Variants in MTHFS observed in about 807,000 individuals in gnomAD.
MTHFS encodes the protein 5-formyltetrahydrofolate cyclo-ligase.
Under a neutral mutation model 12.7 loss-of-function variants are expected in MTHFS, and 7 were observed. The observed-to-expected ratio is 0.55, with a 90% CI of 0.31 to 1.03. The LOEUF (loss-of-function observed/expected upper bound fraction) is 1.03. MTHFS is among the 50% of genes least tolerant of loss of function. The probability of loss-of-function intolerance (pLI) is 0.05; values close to 1 mark genes in which losing one functional copy is unlikely to be tolerated. For missense variants in MTHFS, 252 were observed against 258.1 expected, an observed-to-expected ratio of 0.98 and a Z score of 0.16; for synonymous variants, 100 against 97.1, an observed-to-expected ratio of 1.03 and a Z score of -0.18.
At chr15:79,875,617 A>C (rs570268233) in intron 2 of MTHFS, among the ~76,000 whole-genome samples, 1 of 152,262 alleles carries the variant, frequency 6.6e-6, no homozygotes, top group Admixed American at 6.5e-5. Flanking sequence ...TAAAACAATA[A>C]AACTCTTAGA....
chr15:79,850,823 GAAGT>G (rs973232944), intron 2 of MTHFS, among the ~76,000 whole-genome samples: 2 of 151,262 alleles, frequency 1.3e-5, no homozygotes, highest in Admixed American at 6.6e-5. Flanking sequence ...AAAAAATGAA[GAAGT>G]AAGATTCTAT....
At chr15:79,853,760 C>A (rs971805256) in intron 2 of MTHFS, among the ~76,000 whole-genome samples, 4 of 152,186 alleles carry the variant, frequency 2.6e-5, no homozygotes, top group Non-Finnish European at 2.9e-5. Context: ...GAGCAGGAGC[C>A]GTGATGGCTC....
chr15:79,869,685 C>T (rs1473930719), intron 2 of MTHFS, among the ~76,000 whole-genome samples: 2 of 152,148 alleles, frequency 1.3e-5, no homozygotes, highest in African/African-American at 2.4e-5. Flanking sequence ...CCTCCCACCT[C>T]GGCCTCCAAA....
Position 79,896,969 on chromosome 15 carries a change from C to T in MTHFS, c.20G>A (p.Ser7Asn). The change falls in exon 1 of 3, where the codon AGC becomes AAC. Residue 7 changes from serine (S) to asparagine (N), a missense_variant. Transcript: ENST00000258874. ...TCCCCGCAGGCTCCGCTTGGCGCTGCTCACCGCTGCCGCCGCCATCTCACG... is the reference window on the plus strand; with the variant it reads ...TCCCCGCAGGCTCCGCTTGGCGCTGTTCACCGCTGCCGCCGCCATCTCACG... MAAAAV[S>N]SAKRSLRGEL... 1.3e-6 allele frequency: 2 copies of T among 1,532,324 alleles called. No homozygotes were observed. 94.9% of individuals were successfully genotyped at this position (1,532,324 alleles called of 1,614,324 possible). A position where few individuals can be genotyped will look rare whatever the true frequency, so the allele number is the denominator to read the frequency against.
chr15:79,854,369 C>A (rs11852338), intron 2 of MTHFS, among the ~76,000 whole-genome samples: 23 of 152,174 alleles, frequency 1.5e-4, no homozygotes, highest in Non-Finnish European at 2.9e-4. Flanking sequence ...CGCATAGCTG[C>A]GATGAGAAGG....
intron 1 of MTHFS, among the ~76,000 whole-genome samples, chr15:79,894,435 T>C (rs2034530289): frequency 6.6e-6 from 1 of 152,150 alleles, no homozygotes; most frequent in Non-Finnish European, 1.5e-5. Flanking sequence ...CTGTAAAATG[T>C]TCCTTGTATG....
chr15:79,895,527 G>C (rs1165236213), intron 1 of MTHFS, among the ~76,000 whole-genome samples: 1 of 152,070 alleles, frequency 6.6e-6, no homozygotes. Flanking sequence ...CACTACATAG[G>C]TGTTCAACAT....
intron 2 of MTHFS, among the ~76,000 whole-genome samples, chr15:79,859,553 C>A (rs2033871879): frequency 6.6e-6 from 1 of 152,244 alleles, no homozygotes. Flanking sequence ...GGCAATGGCT[C>A]ATGCCTGTAA....
intron 2 of MTHFS, among the ~76,000 whole-genome samples, chr15:79,861,261 C>A (rs1452831879): frequency 6.6e-6 from 1 of 152,140 alleles, no homozygotes; most frequent in East Asian, 1.9e-4. Flanking sequence ...TCAACTCCAC[C>A]TAAGACCAAA....
chr15:79,850,800 A>T (rs2033703821), intron 2 of MTHFS, among the ~76,000 whole-genome samples: 2 of 152,138 alleles, frequency 1.3e-5, no homozygotes, highest in Admixed American at 6.5e-5. Flanking sequence ...AAGCCTAGGT[A>T]GTAGGCCTCG....
At chr15:79,856,936 A>T (rs2033817127) in intron 2 of MTHFS, among the ~76,000 whole-genome samples, 1 of 150,942 alleles carries the variant, frequency 6.6e-6, no homozygotes, top group African/African-American at 2.4e-5. Flanking sequence ...ACAGAAATAC[A>T]ACGGTGTTTT....
At chr15:79,893,057 C>T (rs1360335920) in intron 1 of MTHFS, among the ~76,000 whole-genome samples, 1 of 152,176 alleles carries the variant, frequency 6.6e-6, no homozygotes, top group Admixed American at 6.5e-5. Flanking sequence ...GTTTGGAAAT[C>T]GGTCACAAAT....
intron 1 of MTHFS, among the ~76,000 whole-genome samples, chr15:79,895,821 G>A (rs560159846): frequency 6.6e-6 from 1 of 152,314 alleles, no homozygotes; most frequent in East Asian, 1.9e-4. Context: ...AAGCCTGATG[G>A]TATAACTAAT....
intron 1 of MTHFS, 112 bp from the exon 2 acceptor site, chr15:79,889,466 A>T: frequency 1.5e-6 from 2 of 1,343,300 alleles, no homozygotes; most frequent in African/African-American, 3.2e-5. Flanking sequence ...TATTAAAAAG[A>T]AAAAAAAAGG....
chr15:79,892,908 G>C (rs1013940349), intron 1 of MTHFS, among the ~76,000 whole-genome samples: 1 of 152,000 alleles, frequency 6.6e-6, no homozygotes, highest in Non-Finnish European at 1.5e-5. Flanking sequence ...CCGAGATTGG[G>C]CCACTGCACT....
chr15:79,864,936 CA>C (rs543563202), intron 2 of MTHFS, among the ~76,000 whole-genome samples: 2 of 152,172 alleles, frequency 1.3e-5, no homozygotes, highest in African/African-American at 4.8e-5. Flanking sequence ...TTTTAAACAA[CA>C]AAAACTGTTT....
Position 79,888,417 on chromosome 15 carries a change from G to A in MTHFS, c.379+676C>T, listed in dbSNP as rs149200686. Among the ~76,000 whole-genome samples, 558 of 152,294 alleles carry A rather than the reference G, an allele frequency of 3.7e-3. 2 individuals are homozygous for A. The highest frequency in any genetic ancestry group is 6.3e-3 in the Non-Finnish European group (430 of 68,016). ...GAGGGGAGAGAAGTGGCAGATTTGT[G>A]TTTTCAAAATCTTGTTTCAATTACT... On this transcript the variant is annotated intron_variant, in intron 2 of 2. Transcript: ENST00000258874.
chr15:79,893,782 C>G (rs898754995), intron 1 of MTHFS, among the ~76,000 whole-genome samples: 2 of 150,870 alleles, frequency 1.3e-5, no homozygotes, highest in Non-Finnish European at 3.0e-5. Flanking sequence ...CAGAAACTGA[C>G]AGAGGGAGTA....
At chr15:79,896,030 C>T (rs1222396310) in intron 1 of MTHFS, among the ~76,000 whole-genome samples, 2 of 152,220 alleles carry the variant, frequency 1.3e-5, no homozygotes, top group African/African-American at 4.8e-5. Context: ...ATATGACTGC[C>T]ATTTTATTGA....
Sources: gnomAD v4.1 joint callset for allele counts (sites outside exome capture counted in the v4.1 genomes callset) on GRCh38, gnomAD v4.1.1 for gene constraint, MANE v1.5 for transcripts, NCBI Gene and HGNC (gene_info 2026-07-23, HGNC 2026-07-21) for gene names.